FAM228A: variants seen among roughly 807,000 people sequenced by gnomAD.
FAM228A encodes the protein family with sequence similarity 228 member A.
A neutral mutation model predicts 18.6 loss-of-function variants in FAM228A; 13 were observed. The observed-to-expected ratio is 0.70, with a 90% CI of 0.45 to 1.11. The LOEUF is 1.11. Ranked by LOEUF, FAM228A falls within the 50% of genes least tolerant of loss-of-function variation. The pLI is 0.00. For missense variants in FAM228A, 240 were observed against 242.2 expected, an observed-to-expected ratio of 0.99 and a Z score of 0.06; for synonymous variants, 77 against 86.6, an observed-to-expected ratio of 0.89 and a Z score of 0.61.
chr2:24,179,746 AG>A (rs1439357763), intron 3 of FAM228A, among the ~76,000 whole-genome samples: 1 of 152,216 alleles, frequency 6.6e-6, no homozygotes, highest in African/African-American at 2.4e-5. Flanking sequence ...GAATGGTGCC[AG>A]GGGCCTCTTC....
At chr2:24,175,249 GC>G in intron 1 of FAM228A, 75 bp downstream of exon 1, 2 of 515,234 alleles carry the variant, frequency 3.9e-6, no homozygotes. Flanking sequence ...AGGGGGGCGC[GC>G]CCCGGAGGAA....
At chr2:24,179,995 C>G (rs1667778212) in intron 3 of FAM228A, among the ~76,000 whole-genome samples, 1 of 152,156 alleles carries the variant, frequency 6.6e-6, no homozygotes, top group African/African-American at 2.4e-5. Context: ...ATACTCTGTT[C>G]TACAGTTTGG....
At position 24,191,614 on chromosome 2, in the gene FAM228A, A is replaced by C; in HGVS notation, c.*983A>C. ...AGCTTGTTGACATACCCACCAGCTC[A>C]CATTTACTGTTTTCGTGTGTGTGGT... On this transcript the variant is annotated 3_prime_UTR_variant, in exon 6 of 6. Coordinates refer to ENST00000295150, the MANE Select transcript of FAM228A (RefSeq NM_001040710.3). The C allele has an allele frequency of 2.6e-4, 122 of 462,458 alleles. No individual in the cohort carries two copies. The highest frequency in any genetic ancestry group is 3.2e-4 in the Non-Finnish European group (113 of 351,604). The allele number at this position is 462,458 out of a possible 1,614,324, so 28.6% of individuals were successfully genotyped here. A position where few individuals can be genotyped will look rare whatever the true frequency, so the allele number is the denominator to read the frequency against.
Position 24,175,609 on chromosome 2 carries a change from CG to C in FAM228A, c.93+42del, listed in dbSNP as rs759614584. 8.7e-6 allele frequency: 13 copies of C among 1,491,210 alleles called. No homozygotes were observed. The Admixed American group carries it at 1.3e-4, about 15-fold the overall frequency. The allele number at this position is 1,491,210 out of a possible 1,614,324, so 92.4% of individuals were successfully genotyped here. A position where few individuals can be genotyped will look rare whatever the true frequency, so the allele number is the denominator to read the frequency against. Reference sequence around the variant, plus strand: ...GTGGCGTTTTGAGACGTCATTTTGGCGGGGGGACCCCTCGAGTTTGGGAACT... The same window carrying C: ...GTGGCGTTTTGAGACGTCATTTTGGCGGGGGACCCCTCGAGTTTGGGAACT... On this transcript the variant is annotated intron_variant, in intron 2 of 5. Coordinates refer to ENST00000295150, the MANE Select transcript of FAM228A (RefSeq NM_001040710.3).
chr2:24,175,372 G>A, intron 1 of FAM228A, 95 bp from the exon 2 acceptor site: 3 of 878,090 alleles, frequency 3.4e-6, no homozygotes, highest in Non-Finnish European at 5.6e-6. Context: ...TTTTAGAAAG[G>A]GGCCGAGCGG....
intron 2 of FAM228A, chr2:24,176,266 A>G: frequency 1.1e-6 from 1 of 899,518 alleles, no homozygotes; most frequent in Non-Finnish European, 1.3e-6. Context: ...CTCCAAATAA[A>G]TAAATAGATT....
chr2:24,184,021 T>C (rs1340580537), intron 5 of FAM228A, among the ~76,000 whole-genome samples: 1 of 152,228 alleles, frequency 6.6e-6, no homozygotes, highest in Non-Finnish European at 1.5e-5. Context: ...TTGAATTTCA[T>C]ATAAACAGAA....
Position 24,191,180 on chromosome 2 carries a change from A to G in FAM228A, c.*549A>G, listed in dbSNP as rs1668075636. Reference sequence around the variant, plus strand: ...CAGCTCCTGGTCTATTTCCCCTTCCATTCTCTCCGCCACGCCCTGTGCCCT... The same window carrying G: ...CAGCTCCTGGTCTATTTCCCCTTCCGTTCTCTCCGCCACGCCCTGTGCCCT... On this transcript the variant is annotated 3_prime_UTR_variant, in exon 6 of 6. Coordinates refer to ENST00000295150, the MANE Select transcript of FAM228A (RefSeq NM_001040710.3). 1.0e-6 allele frequency: 1 copy of G among 985,538 alleles called. No homozygotes were observed. Among genetic ancestry groups the G allele is most frequent in the South Asian group, 4.7e-5 (1 of 21,290 alleles). 61.0% of individuals were successfully genotyped at this position (985,538 alleles called of 1,614,324 possible). A position where few individuals can be genotyped will look rare whatever the true frequency, so the allele number is the denominator to read the frequency against.
intron 2 of FAM228A, chr2:24,175,850 C>T (rs1427752751): frequency 5.1e-5 from 60 of 1,177,858 alleles, no homozygotes; most frequent in Non-Finnish European, 6.2e-5. Flanking sequence ...TCTGGGCTTG[C>T]CAGTCAATTC....
chr2:24,189,904 T>C (rs1668039219), intron 5 of FAM228A, among the ~76,000 whole-genome samples: 1 of 152,088 alleles, frequency 6.6e-6, no homozygotes, highest in Non-Finnish European at 1.5e-5. Context: ...GGAGCCAGGC[T>C]GCTCGGGGGA....
rs555102677 is a variant in FAM228A at position 24,175,325 on chromosome 2, G to T, written c.-14-142G>T. On this transcript the variant is annotated intron_variant, in intron 1 of 5. Transcript: ENST00000295150. ...CCGGGCCTGTTGAAGCGCCTAGGGC[G>T]CCAAGGATCCCAGTTTGTTGGGTGA... 3.1e-4 allele frequency: 204 copies of T among 667,146 alleles called. 1 individual carries two copies. The African/African-American group carries it at 3.4e-3, about 11-fold the overall frequency. The allele number at this position is 667,146 out of a possible 1,614,324, so 41.3% of individuals were successfully genotyped here. A position where few individuals can be genotyped will look rare whatever the true frequency, so the allele number is the denominator to read the frequency against.
Position 24,177,737 on chromosome 2 carries a change from G to A in FAM228A, c.94-65G>A, listed in dbSNP as rs1246925360. On this transcript the variant is annotated intron_variant, in intron 2 of 5. Transcript: ENST00000295150. ...ACTAAAACTATTGGTAAAGTACACT[G>A]AGTTTTGTCATTGTAGTTTGTTTCT... is the stretch of plus-strand genomic sequence containing the variant. 1.0e-4 allele frequency: 94 copies of A among 906,756 alleles called. No homozygotes were observed. The African/African-American group carries it at 1.5e-3, about 14-fold the overall frequency. 56.2% of individuals were successfully genotyped at this position (906,756 alleles called of 1,614,324 possible).
intron 1 of FAM228A, 26 bp downstream of exon 1, chr2:24,175,200 C>T: frequency 2.5e-6 from 1 of 403,746 alleles, no homozygotes; most frequent in South Asian, 2.5e-5. Flanking sequence ...GCCTACGGGC[C>T]TGGGGGTCGC....
chr2:24,179,992 G>C (rs1199695410), intron 3 of FAM228A, among the ~76,000 whole-genome samples: 1 of 152,196 alleles, frequency 6.6e-6, no homozygotes, highest in Non-Finnish European at 1.5e-5. Flanking sequence ...TCTATACTCT[G>C]TTCTACAGTT....
chr2:24,187,464 C>T (rs1351574315), intron 5 of FAM228A, among the ~76,000 whole-genome samples: 3 of 152,190 alleles, frequency 2.0e-5, no homozygotes, highest in African/African-American at 7.2e-5. Context: ...CATTAGGGTT[C>T]ACTCTTGATG....
rs1667670574 is a variant in FAM228A at position 24,175,792 on chromosome 2, A to C, written c.93+219A>C. On this transcript the variant is annotated intron_variant, in intron 2 of 5. Coordinates refer to ENST00000295150, the MANE Select transcript of FAM228A (RefSeq NM_001040710.3). ...GGCTGGCGCACCGACGGGGGCGGGCAGCCGGGCGGGTGAAGGCAGCCACCC... is the reference window on the plus strand; with the variant it reads ...GGCTGGCGCACCGACGGGGGCGGGCCGCCGGGCGGGTGAAGGCAGCCACCC... 4.5e-6 allele frequency: 4 copies of C among 880,080 alleles called. No homozygotes were observed. In the African/African-American group the frequency reaches 6.8e-5, roughly 15 times the overall value. The allele number at this position is 880,080 out of a possible 1,614,324, so 54.5% of individuals were successfully genotyped here.
At position 24,175,476 on chromosome 2, in the gene FAM228A, T is replaced by A; in HGVS notation, c.-5T>A. On this transcript the variant is annotated 5_prime_UTR_variant, in exon 2 of 6. Coordinates refer to ENST00000295150, the MANE Select transcript of FAM228A (RefSeq NM_001040710.3). Reference sequence around the variant, plus strand: ...CCTTTTCATCCCTCAGGGATTCTCCTGTCCATGGCTGCCACCAAAACTGCG... The same window carrying A: ...CCTTTTCATCCCTCAGGGATTCTCCAGTCCATGGCTGCCACCAAAACTGCG... The A allele has an allele frequency of 6.2e-7, 1 of 1,613,222 alleles. No individual in the cohort carries two copies. Among genetic ancestry groups the A allele is most frequent in the Non-Finnish European group, 8.5e-7 (1 of 1,179,128 alleles).
chr2:24,191,512 T>C lies in FAM228A; in HGVS notation c.*881T>C, dbSNP rs1668085310. The C allele has an allele frequency of 1.0e-6, 1 of 984,526 alleles. No individual in the cohort carries two copies. Among genetic ancestry groups the C allele is most frequent in the Non-Finnish European group, 1.2e-6 (1 of 829,210 alleles). The allele number at this position is 984,526 out of a possible 1,614,324, so 61.0% of individuals were successfully genotyped here. ...AGAGCACAGGGAGCTCCTCATTCCA[T>C]GTATTTTTCAAATATTCAAGATGTA... On this transcript the variant is annotated 3_prime_UTR_variant, in exon 6 of 6. Transcript: ENST00000295150.
Position 24,191,262 on chromosome 2 carries a change from G to A in FAM228A, c.*631G>A, listed in dbSNP as rs192791758. 1.5e-4 allele frequency: 143 copies of A among 985,572 alleles called. No individual in the cohort carries two copies. Among genetic ancestry groups the A allele is most frequent in the Non-Finnish European group, 1.7e-4 (139 of 830,090 alleles). The allele number at this position is 985,572 out of a possible 1,614,324, so 61.1% of individuals were successfully genotyped here. On this transcript the variant is annotated 3_prime_UTR_variant, in exon 6 of 6. Coordinates refer to ENST00000295150, the MANE Select transcript of FAM228A (RefSeq NM_001040710.3). ...GGCCTAGGGGGCTTGGTGGGCCACC[G>A]CTCAGCTCAGGACCTGACAGCGTCA... is the stretch of plus-strand genomic sequence containing the variant.
Sources: gnomAD v4.1 joint callset for allele counts (sites outside exome capture counted in the v4.1 genomes callset) on GRCh38, gnomAD v4.1.1 for gene constraint, MANE v1.5 for transcripts, NCBI Gene and HGNC (gene_info 2026-07-23, HGNC 2026-07-21) for gene names.